The following RANGAP1 variants were observed in gnomAD, a reference collection of about 807,000 sequenced individuals.
The protein encoded by RANGAP1 is ran GTPase-activating protein 1.
In RANGAP1, 38 loss-of-function variants were observed where a neutral mutation model predicts 63.5. The ratio of observed to expected loss-of-function variants is 0.60; its 90% CI spans 0.46 to 0.78. The LOEUF (loss-of-function observed/expected upper bound fraction) is 0.78, where lower values mean the gene tolerates loss of function less well. Ranked by LOEUF, RANGAP1 falls within the 30% of genes least tolerant of loss-of-function variation. The probability of loss-of-function intolerance (pLI) is 0.00; values close to 1 mark genes in which losing one functional copy is unlikely to be tolerated. For missense variants in RANGAP1, 630 were observed against 740.3 expected, an observed-to-expected ratio of 0.85 and a Z score of 1.73; for synonymous variants, 329 against 310.5, an observed-to-expected ratio of 1.06 and a Z score of -0.63.
intron 10 of RANGAP1, among the ~76,000 whole-genome samples, chr22:41,255,330 C>T (rs1028993665): frequency 6.6e-5 from 10 of 152,192 alleles, no homozygotes; most frequent in African/African-American, 2.4e-4. Flanking sequence ...GTATCTGACA[C>T]ACGAATGAGG....
At chr22:41,261,421 G>A in intron 6 of RANGAP1, 25 bp downstream of exon 6, 2 of 1,614,014 alleles carry the variant, frequency 1.2e-6, no homozygotes, top group Non-Finnish European at 1.7e-6. Flanking sequence ...AGGCTGCAGG[G>A]GCAGGATGGA....
chr22:41,250,976 G>T lies in RANGAP1; in HGVS notation c.1483+31C>A, dbSNP rs755216692. The stretch of plus-strand genomic sequence containing the variant: ...GGGCCCACGAGCATCAAGGGACAGA[G>T]GGCACCCAGGTCTCACCCAGCCCAC... On this transcript the variant is annotated intron_variant, in intron 13 of 15. Coordinates refer to ENST00000356244, the MANE Select transcript of RANGAP1 (RefSeq NM_002883.4). 2.6e-5 allele frequency: 41 copies of T among 1,581,308 alleles called. No individual in the cohort carries two copies. In the Admixed American group the frequency reaches 6.7e-4, roughly 26 times the overall value.
intron 1 of RANGAP1, among the ~76,000 whole-genome samples, chr22:41,282,995 TGG>T (rs1390804186): frequency 6.6e-6 from 1 of 152,162 alleles, no homozygotes; most frequent in Non-Finnish European, 1.5e-5. Context: ...AGGCTTCCTC[TGG>T]GTTCTAACTT....
chr22:41,295,389 G>C, the RANGAP1 span, among the ~76,000 whole-genome samples: 2 of 152,048 alleles, frequency 1.3e-5, no homozygotes, highest in Admixed American at 6.6e-5. Context: ...CTGTTGATCT[G>C]TGACCTTACC....
In RANGAP1 at chr22:41,257,072, C is replaced by T. The variant is rs1037958956; in HGVS notation, c.775-248G>A. ...CCAAGCAAGGTTCCTGCTGAGCATC[C>T]GGGTCTTCCACACGTAAGCTGATCC... On this transcript the variant is annotated intron_variant, in intron 7 of 15. Coordinates refer to ENST00000356244, the MANE Select transcript of RANGAP1 (RefSeq NM_002883.4). This position sits in a 1 kb window ranked among gnomAD's most constrained non-coding sequence, Gnocchi z 4.0. Among the ~76,000 whole-genome samples, 3 of 152,114 alleles carry T rather than the reference C, an allele frequency of 2.0e-5. No homozygotes were observed. The highest frequency in any genetic ancestry group is 2.9e-5 in the Non-Finnish European group (2 of 68,008).
intron 4 of RANGAP1, among the ~76,000 whole-genome samples, chr22:41,266,888 C>CTTTCTTTTT (rs113159134): frequency 6.6e-5 from 9 of 137,138 alleles, no homozygotes; most frequent in Non-Finnish European, 1.2e-4. Flanking sequence ...AATGAATTTC[C>CTTTCTTTTT]TTTTTTTTTT....
the RANGAP1 span, among the ~76,000 whole-genome samples, chr22:41,296,505 G>C: frequency 6.6e-6 from 1 of 151,936 alleles, no homozygotes; most frequent in African/African-American, 2.4e-5. Flanking sequence ...AAATTAGCCG[G>C]GTGTGGTGGC....
chr22:41,256,871 C>G, intron 7 of RANGAP1, 47 bp from the exon 8 acceptor site: 1 of 1,526,668 alleles, frequency 6.6e-7, no homozygotes. Context: ...AGACCACACC[C>G]CAGCCCTCAG....
At position 41,274,584 on chromosome 22, in the gene RANGAP1, G is replaced by C; in HGVS notation, c.240+16C>G. On this transcript the variant is annotated intron_variant, in intron 3 of 15. Coordinates refer to ENST00000356244, the MANE Select transcript of RANGAP1 (RefSeq NM_002883.4). ...TGTTCAAACCAGCCTGGGCCTACTC[G>C]CCCCACTCTGCTCACCTTCAACTCC... 1 of 1,613,830 alleles carries C rather than the reference G, an allele frequency of 6.2e-7. No individual in the cohort carries two copies.
rs71200678 is a variant in RANGAP1, at chr22:41,273,766, C to CAAAAAAAAAAAAAAAAAAAA, written c.240+814_240+833dup. ...CGGGTGACAGTGTGAGACTCCATCT[C>CAAAAAAAAAAAAAAAAAAAA]AAAAAAAAAAAAAAAAAAAAAAAAA... is the stretch of plus-strand genomic sequence containing the variant. On this transcript the variant is annotated intron_variant, in intron 3 of 15. Transcript: ENST00000356244. Among the ~76,000 whole-genome samples the CAAAAAAAAAAAAAAAAAAAA allele has an allele frequency of 2.1e-4, 5 of 24,356 alleles. 1 individual carries two copies. The highest frequency in any genetic ancestry group is 4.2e-3 in the South Asian group (1 of 238). The allele number at this position is 24,356 out of a possible 152,430, so 16.0% of individuals were successfully genotyped here. A position where few individuals can be genotyped will look rare whatever the true frequency, so the allele number is the denominator to read the frequency against.
chr22:41,280,710 G>A, intron 2 of RANGAP1: 1 of 1,486,742 alleles, frequency 6.7e-7, no homozygotes, highest in Non-Finnish European at 9.0e-7. Flanking sequence ...AAAGGGCAGG[G>A]CACAAAGGGA....
chr22:41,287,071 A>G (rs565742597), upstream of RANGAP1, among the ~76,000 whole-genome samples: 10 of 152,356 alleles, frequency 6.6e-5, no homozygotes, highest in Admixed American at 1.3e-4. Flanking sequence ...AAACTTGACT[A>G]TATTAGATAA....
At position 41,245,369 on chromosome 22, in the gene RANGAP1, C is replaced by G. The variant is rs1393422674; in HGVS notation, c.*1234G>C. Among the ~76,000 whole-genome samples, 1 of 152,192 alleles carries G rather than the reference C, an allele frequency of 6.6e-6. No individual in the cohort carries two copies. Among genetic ancestry groups the G allele is most frequent in the Non-Finnish European group, 1.5e-5 (1 of 68,040 alleles). ...GGTGGCTTCCATAGTGAAGGAGCAACGCAGAAGCCAAGCGAGCTGCAGCCC... is the reference window on the plus strand; with the variant it reads ...GGTGGCTTCCATAGTGAAGGAGCAAGGCAGAAGCCAAGCGAGCTGCAGCCC... On this transcript the variant is annotated 3_prime_UTR_variant, in exon 16 of 16. Transcript: ENST00000356244.
At chr22:41,301,770 G>T in the RANGAP1 span, 1 of 151,872 alleles carries the variant, frequency 6.6e-6, no homozygotes, top group Non-Finnish European at 1.5e-5. Flanking sequence ...CAGCCCGGCG[G>T]AGGTGAGTGC....
At chr22:41,250,878 C>G (rs1418928895) in intron 13 of RANGAP1, 129 bp downstream of exon 13, 1 of 712,770 alleles carries the variant, frequency 1.4e-6, no homozygotes, top group Admixed American at 2.7e-5. Flanking sequence ...GGAGGAAAAA[C>G]TCAGGTGGCC....
At chr22:41,281,315 T>C in intron 1 of RANGAP1, 2 of 777,436 alleles carry the variant, frequency 2.6e-6, no homozygotes, top group South Asian at 3.8e-5. Flanking sequence ...GAAGCTACCA[T>C]CTCATTACAA....
chr22:41,250,995 A>G lies in RANGAP1; in HGVS notation c.1483+12T>C. On this transcript the variant is annotated intron_variant, in intron 13 of 15. Coordinates refer to ENST00000356244, the MANE Select transcript of RANGAP1 (RefSeq NM_002883.4). The stretch of plus-strand genomic sequence containing the variant: ...GACAGAGGGCACCCAGGTCTCACCC[A>G]GCCCACATTACCTACTGCATCCTGC... 1 of 1,612,534 alleles carries G rather than the reference A, an allele frequency of 6.2e-7. No homozygotes were observed. Among genetic ancestry groups the G allele is most frequent in the Non-Finnish European group, 8.5e-7 (1 of 1,178,730 alleles).
At chr22:41,289,016 A>G (rs1601743375), upstream of RANGAP1, among the ~76,000 whole-genome samples, 1 of 138,978 alleles carries the variant, frequency 7.2e-6, no homozygotes, top group Non-Finnish European at 1.5e-5. Context: ...TCCGCCTCCC[A>G]GGTTCAAGTG....
chr22:41,265,626 T>A (rs2034423423), intron 4 of RANGAP1, among the ~76,000 whole-genome samples: 1 of 152,120 alleles, frequency 6.6e-6, no homozygotes, highest in East Asian at 1.9e-4. Context: ...ACGGCCAGGA[T>A]CAGCTTTGAC....
Sources: gnomAD v4.1 joint callset for allele counts (sites outside exome capture counted in the v4.1 genomes callset) on GRCh38, gnomAD v4.1.1 for gene constraint, Gnocchi (gnomAD v3.1) non-coding constraint, MANE v1.5 for transcripts, NCBI Gene and HGNC (gene_info 2026-07-23, HGNC 2026-07-21) for gene names.